RIF1: variants seen among roughly 807,000 people sequenced by gnomAD.
RIF1 encodes the protein replication timing regulatory factor 1, also known as telomere-associated protein RIF1.
Under a neutral mutation model 247.1 loss-of-function variants are expected in RIF1, and 45 were observed. The observed-to-expected ratio is 0.18, with a 90% CI of 0.14 to 0.23. The LOEUF (loss-of-function observed/expected upper bound fraction) is 0.23. RIF1 is among the 10% of genes least tolerant of loss of function. The pLI is 1.00. For synonymous variants in RIF1, 1,087 were observed against 978.8 expected (o/e 1.11, Z -2.06); for missense variants, 2,967 against 2,862.5 (o/e 1.04, Z -0.83).
chr2:151,446,325 TG>T, intron 19 of RIF1, 100 bp from the exon 20 acceptor site: 1 of 1,055,738 alleles, frequency 9.5e-7, no homozygotes. Flanking sequence ...ACACACTAAA[TG>T]TTGCAGTGTT....
intron 6 of RIF1, 44 bp downstream of exon 6, chr2:151,416,945 A>G: frequency 1.4e-6 from 2 of 1,466,280 alleles, no homozygotes; most frequent in Non-Finnish European, 1.9e-6. Flanking sequence ...AGTTTTCATA[A>G]ATTTAGCTGA....
intron 12 of RIF1, 117 bp from the exon 13 acceptor site, chr2:151,437,124 G>A: frequency 8.2e-7 from 1 of 1,218,094 alleles, no homozygotes; most frequent in Non-Finnish European, 1.2e-6. Flanking sequence ...TATGAAATAT[G>A]AATCTTTTTT....
chr2:151,522,251 T>C, the RIF1 span, among the ~76,000 whole-genome samples: 1 of 152,186 alleles, frequency 6.6e-6, no homozygotes, highest in African/African-American at 2.4e-5. Context: ...TTCTAAAGAC[T>C]GAAGAACAGT....
In RIF1 at chr2:151,476,058, T is replaced by C. The variant is rs1053538130; in HGVS notation, c.*987T>C. ...AAAGTATCCAGAATAAGTAAAATTA[T>C]AGAAATAAGAAAATGTTACACAACT... On this transcript the variant is annotated 3_prime_UTR_variant, in exon 36 of 36. Coordinates refer to ENST00000444746, the MANE Select transcript of RIF1 (RefSeq NM_018151.5). 2.6e-5 allele frequency: 4 copies of C among 152,224 alleles called. No individual in the cohort carries two copies. The allele number at this position is 152,224 out of a possible 1,614,324, so 9.4% of individuals were successfully genotyped here.
downstream of RIF1, among the ~76,000 whole-genome samples, chr2:151,510,915 T>G (rs905302843): frequency 5.3e-5 from 8 of 152,214 alleles, no homozygotes; most frequent in Non-Finnish European, 1.2e-4. Flanking sequence ...GATTCTCCAT[T>G]GGAAATCGAG....
At chr2:151,441,643 A>AT (rs1692310002) in intron 15 of RIF1, among the ~76,000 whole-genome samples, 1 of 152,218 alleles carries the variant, frequency 6.6e-6, no homozygotes, top group Non-Finnish European at 1.5e-5. Context: ...GTCTAGGAAA[A>AT]TAGACTCTGA....
At chr2:151,458,052 G>A (rs917879220) in intron 24 of RIF1, 89 bp downstream of exon 24, 1 of 915,196 alleles carries the variant, frequency 1.1e-6, no homozygotes, top group South Asian at 1.6e-5. Flanking sequence ...TTTTCTTATG[G>A]GGTATTGTTA....
chr2:151,443,135 C>T (rs962212762), intron 16 of RIF1, 124 bp from the exon 17 acceptor site: 65 of 646,804 alleles, frequency 1.0e-4, no homozygotes, highest in Non-Finnish European at 1.6e-4. Context: ...GTTGTCATAC[C>T]CTAAGTAATG....
At chr2:151,503,556 T>TAA in intron 12 of RIF1, 2 of 660,636 alleles carry the variant, frequency 3.0e-6, no homozygotes, top group Non-Finnish European at 5.3e-6. Context: ...CTCTCAAATA[T>TAA]AACATTCAAG....
chr2:151,435,219 A>C (rs1406142245), intron 10 of RIF1, among the ~76,000 whole-genome samples: 1 of 152,256 alleles, frequency 6.6e-6, no homozygotes, highest in Non-Finnish European at 1.5e-5. Flanking sequence ...TTAGTCTACC[A>C]GTAATGTGTA....
Position 151,463,784 on chromosome 2 carries a change from T to C in RIF1, c.4264T>C (p.Ser1422Pro). 6.2e-7 allele frequency: 1 copy of C among 1,613,690 alleles called. No individual in the cohort carries two copies. Among genetic ancestry groups the C allele is most frequent in the South Asian group, 1.1e-5 (1 of 91,018 alleles). Residue 1422 changes from serine (S) to proline (P), a missense_variant, in exon 30 of 36, where the codon TCA (serine) becomes CCA (proline). Ser to Pro is a moderately conservative substitution (Grantham distance 74). Coordinates refer to ENST00000444746, the MANE Select transcript of RIF1 (RefSeq NM_018151.5). The part of the protein sequence containing the change: ...KTLRRSSRRR[S>P]EVVESTTESQ... ...CCTTAGACGGTCTTCAAGGCGACGT[T>C]CAGAAGTAGTAGAGTCTACCACTGA...
chr2:151,512,497 A>T (rs868391901), downstream of RIF1, among the ~76,000 whole-genome samples: 1 of 151,848 alleles, frequency 6.6e-6, no homozygotes, highest in Non-Finnish European at 1.5e-5. Flanking sequence ...CAATTTTTGT[A>T]GGGACAGGGT....
At chr2:151,517,687 A>T in the RIF1 span, among the ~76,000 whole-genome samples, 7 of 152,192 alleles carry the variant, frequency 4.6e-5, no homozygotes. Context: ...TGTACAGCAT[A>T]TTATTTTACT....
In RIF1 at chr2:151,464,891, C is replaced by T. The variant is rs763705239; in HGVS notation, c.5371C>T (p.His1791Tyr). Residue 1791 changes from histidine to tyrosine, a missense_variant, in exon 30 of 36, where the codon CAT becomes TAT. His to Tyr is a moderately conservative substitution (Grantham distance 83). Around this residue, in one of 7 missense-constraint regions of RIF1, gnomAD observed 2,028 missense variants for 1,825.6 expected, o/e 1.11. Transcript: ENST00000444746. Reference protein sequence around the residue: ...PYSEGQFLDEHHSVNFHLGLK... With the variant: ...PYSEGQFLDEYHSVNFHLGLK... ...TTCTGAAGGACAATTTTTAGATGAACATCATAGTGTGAATTTTCATTTGGG... is the reference window on the plus strand; with the variant it reads ...TTCTGAAGGACAATTTTTAGATGAATATCATAGTGTGAATTTTCATTTGGG... The T allele has an allele frequency of 2.8e-5, 44 of 1,586,634 alleles. No individual in the cohort carries two copies. Among genetic ancestry groups the T allele is most frequent in the Non-Finnish European group, 8.5e-7 (1 of 1,171,506 alleles).
exon 11 of RIF1, chr2:151,499,501 G>T: frequency 1.5e-6 from 1 of 654,852 alleles, no homozygotes; most frequent in South Asian, 1.6e-5. Context: ...AGAAAAGACA[G>T]ATTCAACAAG....
At chr2:151,418,388 A>G (rs770708104) in intron 6 of RIF1, among the ~76,000 whole-genome samples, 27 of 152,156 alleles carry the variant, frequency 1.8e-4, no homozygotes, top group Non-Finnish European at 3.4e-4. Context: ...TATTTTTAGC[A>G]GAGACAGGGT....
intron 3 of RIF1, among the ~76,000 whole-genome samples, chr2:151,413,501 G>A (rs1009531169): frequency 6.6e-6 from 1 of 152,150 alleles, no homozygotes; most frequent in Non-Finnish European, 1.5e-5. Context: ...TTTATATGTC[G>A]TGTTCAGAGT....
chr2:151,420,882 CTA>C (rs1180149680), intron 7 of RIF1, among the ~76,000 whole-genome samples: 1 of 152,046 alleles, frequency 6.6e-6, no homozygotes, highest in Admixed American at 6.6e-5. Flanking sequence ...AGGGAGCTAT[CTA>C]TTGTTGCTAA....
At chr2:151,451,828 G>C in intron 21 of RIF1, 123 bp downstream of exon 21, 1 of 590,664 alleles carries the variant, frequency 1.7e-6, no homozygotes, top group Non-Finnish European at 3.1e-6. Flanking sequence ...GTTTAACCAT[G>C]TTAGTTACTA....
Sources: gnomAD v4.1 joint callset for allele counts (sites outside exome capture counted in the v4.1 genomes callset) on GRCh38, gnomAD v4.1.1 for gene constraint, gnomAD v4.1.1 regional missense constraint, MANE v1.5 for transcripts, NCBI Gene and HGNC (gene_info 2026-07-23, HGNC 2026-07-21) for gene names.